The following SPON1 variants were observed in gnomAD, a reference collection of about 807,000 sequenced individuals.
SPON1 encodes spondin-1.
In SPON1, 52 loss-of-function variants were observed where a neutral mutation model predicts 111.7. That is an observed-to-expected ratio of 0.47 (90% CI 0.37 to 0.59). The LOEUF (loss-of-function observed/expected upper bound fraction) is 0.59, where lower values mean the gene tolerates loss of function less well. SPON1 is among the 20% of genes least tolerant of loss of function. The pLI, the probability that SPON1 is intolerant of heterozygous loss-of-function variation, is 0.00. For synonymous variants in SPON1, 410 were observed against 395.8 expected (o/e 1.04, Z -0.43); for missense variants, 957 against 1,068.5 (o/e 0.90, Z 1.46).
chr11:14,119,265 G>A (rs1443092022), intron 5 of SPON1, among the ~76,000 whole-genome samples: 7 of 152,160 alleles, frequency 4.6e-5, no homozygotes, highest in Non-Finnish European at 8.8e-5. Context: ...GATAGAGGAA[G>A]CAGAAGTGAA....
At chr11:14,181,846 G>C (rs1554933712) in intron 6 of SPON1, among the ~76,000 whole-genome samples, 1 of 152,070 alleles carries the variant, frequency 6.6e-6, no homozygotes, top group African/African-American at 2.4e-5. Context: ...CCTCATGTGT[G>C]GGTTTTTTGT....
intron 5 of SPON1, among the ~76,000 whole-genome samples, chr11:14,107,213 G>T (rs1253805887): frequency 6.6e-6 from 1 of 152,142 alleles, no homozygotes; most frequent in Non-Finnish European, 1.5e-5. Context: ...AGTGTTTACA[G>T]ATGTGAGTGG....
chr11:14,207,273 T>G (rs1554936282), intron 6 of SPON1, among the ~76,000 whole-genome samples: 1 of 151,022 alleles, frequency 6.6e-6, no homozygotes, highest in Non-Finnish European at 1.5e-5. Flanking sequence ...AGCCCAAAAC[T>G]AACCTAGGCA....
Position 14,259,488 on chromosome 11 carries a change from G to A in SPON1, c.1663+38G>A. The A allele has an allele frequency of 1.3e-6, 2 of 1,582,440 alleles. No homozygotes were observed. Among genetic ancestry groups the A allele is most frequent in the East Asian group, 2.3e-5 (1 of 43,310 alleles). On this transcript the variant is annotated intron_variant, in intron 12 of 15. Transcript: ENST00000576479. This position sits in a 1 kb window ranked among gnomAD's most constrained non-coding sequence, Gnocchi z 5.0. ...CCCGGGCGGGCAGGCGGGCAAGTAG[G>A]TCGGGGAGGCAGCAGGTGCGACTCC...
chr11:14,265,834 A>C lies in SPON1; in HGVS notation c.*147A>C. ...CCCAGTAGTCTTGTGGATGCCAGAG[A>C]CATCCTTTCTGAATACTTCTTGATG... On this transcript the variant is annotated 3_prime_UTR_variant, in exon 16 of 16. Transcript: ENST00000576479. The C allele has an allele frequency of 1.1e-6, 1 of 918,220 alleles. No homozygotes were observed. The allele number at this position is 918,220 out of a possible 1,614,324, so 56.9% of individuals were successfully genotyped here.
chr11:14,181,848 G>GT (rs1554933715), intron 6 of SPON1, among the ~76,000 whole-genome samples: 1 of 152,256 alleles, frequency 6.6e-6, no homozygotes, highest in Admixed American at 6.5e-5. Context: ...TCATGTGTGG[G>GT]TTTTTTGTTT....
At chr11:14,041,701 G>A (rs1848632649) in intron 3 of SPON1, 47 bp downstream of exon 3, 1 of 1,594,698 alleles carries the variant, frequency 6.3e-7, no homozygotes, top group African/African-American at 1.4e-5. Context: ...AAGACTTTGT[G>A]GTGTGATTGC....
intron 6 of SPON1, among the ~76,000 whole-genome samples, chr11:14,147,636 C>T (rs897180631): frequency 6.6e-6 from 1 of 151,960 alleles, no homozygotes; most frequent in South Asian, 2.1e-4. Flanking sequence ...AGGCTGGTCT[C>T]GAACTCCCGA....
chr11:14,039,907 G>A (rs1848620535), intron 2 of SPON1, among the ~76,000 whole-genome samples: 1 of 152,154 alleles, frequency 6.6e-6, no homozygotes, highest in Admixed American at 6.5e-5. Flanking sequence ...TAGACAATTT[G>A]CAGAAAGGCA....
chr11:14,215,790 T>C (rs534964927), intron 6 of SPON1, among the ~76,000 whole-genome samples: 1 of 152,328 alleles, frequency 6.6e-6, no homozygotes, highest in East Asian at 1.9e-4. Flanking sequence ...CATCACAGTT[T>C]AGAGGTGAGC....
At chr11:14,097,370 GA>G (rs1849109815) in intron 5 of SPON1, among the ~76,000 whole-genome samples, 1 of 152,136 alleles carries the variant, frequency 6.6e-6, no homozygotes, top group Non-Finnish European at 1.5e-5. Flanking sequence ...TTTTCTAAAT[GA>G]TTTTTGTTTT....
intron 2 of SPON1, among the ~76,000 whole-genome samples, chr11:14,020,317 C>G (rs1157761288): frequency 2.0e-5 from 3 of 152,108 alleles, no homozygotes; most frequent in Admixed American, 6.5e-5. Flanking sequence ...GGCAAGTCTA[C>G]AGGGGTACAT....
intron 2 of SPON1, among the ~76,000 whole-genome samples, chr11:13,989,425 G>T (rs1848210411): frequency 6.6e-6 from 1 of 151,966 alleles, no homozygotes; most frequent in Non-Finnish European, 1.5e-5. Flanking sequence ...TGCATCTATT[G>T]ATTCTACTCT....
At chr11:14,131,258 T>C (rs1286762493) in intron 5 of SPON1, among the ~76,000 whole-genome samples, 2 of 152,190 alleles carry the variant, frequency 1.3e-5, no homozygotes, top group East Asian at 3.8e-4. Flanking sequence ...TGAACCTCAG[T>C]TTTGCTCCTT....
intron 7 of SPON1, among the ~76,000 whole-genome samples, chr11:14,249,944 TCTGA>T (rs1406865614): frequency 6.6e-6 from 1 of 152,198 alleles, no homozygotes; most frequent in Non-Finnish European, 1.5e-5. Context: ...CGAATCCAGC[TCTGA>T]CTGTCACCAA....
intron 1 of SPON1, among the ~76,000 whole-genome samples, chr11:13,976,315 T>C (rs1848103404): frequency 6.6e-6 from 1 of 152,148 alleles, no homozygotes; most frequent in Admixed American, 6.5e-5. Context: ...AGAGAGAAGA[T>C]TCTATTATTT....
At chr11:14,107,406 C>G (rs1849192977) in intron 5 of SPON1, among the ~76,000 whole-genome samples, 1 of 152,112 alleles carries the variant, frequency 6.6e-6, no homozygotes, top group Non-Finnish European at 1.5e-5. Context: ...GTCCGGCTGT[C>G]CGTACTCCAG....
chr11:14,259,724 T>C lies in SPON1; in HGVS notation c.1831+23T>C. Reference sequence around the variant, plus strand: ...GCCGTGAGTGAGAGCGGGGGTGGACTTGGAGGAGGCCACTGGGGACAGGCG... The same window carrying C: ...GCCGTGAGTGAGAGCGGGGGTGGACCTGGAGGAGGCCACTGGGGACAGGCG... On this transcript the variant is annotated intron_variant, in intron 13 of 15. Transcript: ENST00000576479. The surrounding 1 kb of genome is among the most constrained non-coding windows in gnomAD (Gnocchi z 5.0). The C allele has an allele frequency of 1.3e-6, 2 of 1,561,106 alleles. No homozygotes were observed. The highest frequency in any genetic ancestry group is 1.7e-6 in the Non-Finnish European group (2 of 1,152,612).
chr11:14,201,363 C>CA (rs71041591), intron 6 of SPON1, among the ~76,000 whole-genome samples: 129,377 of 150,112 alleles, frequency 0.86, 55,998 homozygotes, highest in African/African-American at 0.95. Context: ...AACAAAAAAA[C>CA]AAAAAAAACT....
Sources: gnomAD v4.1 joint callset for allele counts (sites outside exome capture counted in the v4.1 genomes callset) on GRCh38, gnomAD v4.1.1 for gene constraint, Gnocchi (gnomAD v3.1) non-coding constraint, MANE v1.5 for transcripts, NCBI Gene and HGNC (gene_info 2026-07-23, HGNC 2026-07-21) for gene names.